Variants in ABCA2 observed in about 807,000 individuals in gnomAD.
ABCA2 encodes the protein ATP binding cassette subfamily A member 2.
In ABCA2, 84 loss-of-function variants were observed where a neutral mutation model predicts 262.8. That is an observed-to-expected ratio of 0.32 (90% CI 0.27 to 0.38). The LOEUF is 0.38. ABCA2 is among the 10% of genes least tolerant of loss of function. The pLI is 1.00. For synonymous variants in ABCA2, 1,696 were observed against 1,502.9 expected (o/e 1.13, Z -2.97); for missense variants, 2,662 against 3,405.9 (o/e 0.78, Z 5.44).
In ABCA2 at chr9:137,021,462, C is replaced by G; in HGVS notation, c.827G>C (p.Arg276Pro). 1 of 1,612,114 alleles carries G rather than the reference C, an allele frequency of 6.2e-7. No individual in the cohort carries two copies. The highest frequency in any genetic ancestry group is 8.5e-7 in the Non-Finnish European group (1 of 1,179,768). ...AGACAGCCCAGAGAAGCGCCTGGCA[C>G]GCGCAGCAGCCTGCCCACTGCAGAC... ...DAVCSGQAAA[R>P]ARRFSGLSAE... Residue 276 changes from arginine to proline, a missense_variant, in exon 8 of 49, where the codon CGT (arginine) becomes CCT (proline). By Grantham distance (103) the Arg-to-Pro change is moderately radical. Coordinates refer to ENST00000341511, the MANE Select transcript of ABCA2 (RefSeq NM_001606.5). This position sits in a 1 kb window ranked among gnomAD's most constrained non-coding sequence, Gnocchi z 6.0.
intron 1 of ABCA2, among the ~76,000 whole-genome samples, chr9:137,025,397 G>A (rs1415705909): frequency 1.3e-5 from 2 of 152,200 alleles, no homozygotes; most frequent in Non-Finnish European, 1.5e-5. Context: ...CCGAGGGCGA[G>A]CACCCAGCTC....
In ABCA2 at chr9:137,014,834, G is replaced by A. The variant is rs368223057; in HGVS notation, c.3883-24C>T. 33 of 1,591,926 alleles carry A rather than the reference G, an allele frequency of 2.1e-5. No individual in the cohort carries two copies. The East Asian group carries it at 3.6e-4, about 17-fold the overall frequency. Reference sequence around the variant, plus strand: ...TGCTGCAGGGGCGGTGGAGGGGGAGGCTGCGGCAGGGACGCCCAGGCAGGA... The same window carrying A: ...TGCTGCAGGGGCGGTGGAGGGGGAGACTGCGGCAGGGACGCCCAGGCAGGA... On this transcript the variant is annotated intron_variant, in intron 25 of 48. Transcript: ENST00000341511.
chr9:137,023,722 C>T (rs919965517), intron 3 of ABCA2, 116 bp downstream of exon 3: 5 of 706,304 alleles, frequency 7.1e-6, no homozygotes, highest in Admixed American at 6.1e-5. Flanking sequence ...CTGAGGCCGG[C>T]AGGGGGCCCG....
rs1354805821 is a variant in ABCA2 at position 137,015,677 on chromosome 9, G to C, written c.3512C>G (p.Pro1171Arg). 6.2e-7 allele frequency: 1 copy of C among 1,609,052 alleles called. No individual in the cohort carries two copies. Among genetic ancestry groups the C allele is most frequent in the East Asian group, 2.2e-5 (1 of 44,704 alleles). ...TGCCCACACGGCACCCCACTCACCT[G>C]GCTTGTACTTCAGGATGAGGTCCCA... ...AIWDLILKYK[P>R]GRTILLSTHH... Residue 1171 changes from proline to arginine, a missense_variant and splice_region_variant, in exon 23 of 49, where the codon CCA becomes CGA. Around this residue, in one of 12 missense-constraint regions of ABCA2, gnomAD observed 180 missense variants for 307.3 expected, o/e 0.59. Transcript: ENST00000341511.
chr9:137,022,535 A>T, intron 5 of ABCA2, 57 bp from the exon 6 acceptor site: 3 of 1,590,268 alleles, frequency 1.9e-6, no homozygotes, highest in Non-Finnish European at 2.6e-6. Context: ...AGGTGCCCCC[A>T]CATGCGCTCG....
At position 137,014,712 on chromosome 9, in the gene ABCA2, C is replaced by T. The variant is rs1490579361; in HGVS notation, c.3981G>A (p.Gln1327=). Residue 1327 remains glutamine (Q), a synonymous_variant, in exon 26 of 49, where the codon CAG becomes CAA. Coordinates refer to ENST00000341511, the MANE Select transcript of ABCA2 (RefSeq NM_001606.5). ...CACCGGCCTCACTGTTCTCCAGCGACTGATCCTCCTCCGACACCTTGAGGA... is the reference window on the plus strand; with the variant it reads ...CACCGGCCTCACTGTTCTCCAGCGATTGATCCTCCTCCGACACCTTGAGGA... ...EVFLKVSEED[Q]SLENSEADVK... 2 of 1,606,542 alleles carry T rather than the reference C, an allele frequency of 1.2e-6. No homozygotes were observed. Among genetic ancestry groups the T allele is most frequent in the African/African-American group, 1.3e-5 (1 of 75,034 alleles).
chr9:137,008,466 C>T lies in ABCA2; in HGVS notation c.7225G>A (p.Glu2409Lys), dbSNP rs1216889192. 6 of 1,562,134 alleles carry T rather than the reference C, an allele frequency of 3.8e-6. No individual in the cohort carries two copies. The highest frequency in any genetic ancestry group is 2.4e-5 in the East Asian group (1 of 41,932). Residue 2409 changes from glutamate (E) to lysine (K), a missense_variant, in exon 48 of 49, where the codon GAG (glutamate) becomes AAG (lysine). Around this residue, in one of 12 missense-constraint regions of ABCA2, gnomAD observed 212 missense variants for 214.4 expected, o/e 0.99. Coordinates refer to ENST00000341511, the MANE Select transcript of ABCA2 (RefSeq NM_001606.5). The part of the protein sequence containing the change: ...ELRALVADEP[E>K]DLDTEDEGLI... ...CCCTCGTCCTCCGTGTCCAGGTCCTCGGGCTCGTCTGCCACAAGTGCCCGG... is the reference window on the plus strand; with the variant it reads ...CCCTCGTCCTCCGTGTCCAGGTCCTTGGGCTCGTCTGCCACAAGTGCCCGG...
intron 21 of ABCA2, 55 bp downstream of exon 21, chr9:137,016,236 T>A (rs1017750573): frequency 1.9e-6 from 3 of 1,611,342 alleles, no homozygotes; most frequent in Middle Eastern, 1.7e-4. Flanking sequence ...CTGCCCTGAC[T>A]AGGACTCCTG....
Position 137,021,164 on chromosome 9 carries a change from AGGGGTGCT to A in ABCA2, c.898-111_898-104del. On this transcript the variant is annotated intron_variant, in intron 8 of 48. Coordinates refer to ENST00000341511, the MANE Select transcript of ABCA2 (RefSeq NM_001606.5). This position sits in a 1 kb window ranked among gnomAD's most constrained non-coding sequence, Gnocchi z 6.0. ...AGACAGCAGCAGGGAGACACAAGCT[AGGGGTGCT>A]GGGAGGGAGTCTGCAGCCTGGGTAA... The A allele has an allele frequency of 7.0e-7, 1 of 1,421,124 alleles. No homozygotes were observed. Among genetic ancestry groups the A allele is most frequent in the Non-Finnish European group, 9.2e-7 (1 of 1,085,268 alleles). 88.0% of individuals were successfully genotyped at this position (1,421,124 alleles called of 1,614,324 possible). A position where few individuals can be genotyped will look rare whatever the true frequency, so the allele number is the denominator to read the frequency against.
At chr9:137,017,741 C>T in intron 16 of ABCA2, 46 bp downstream of exon 16, 1 of 1,609,222 alleles carries the variant, frequency 6.2e-7, no homozygotes, top group Non-Finnish European at 8.5e-7. Flanking sequence ...GGACGCCGCC[C>T]CTCCCTGCCA....
chr9:137,014,785 A>G lies in ABCA2; in HGVS notation c.3908T>C (p.Leu1303Pro). Reference sequence around the variant, plus strand: ...CATCAGCCCGAAGCTGCTGAGGTGCAGTGCATCCAGGCTGCGCTCCAGGTG... The same window carrying G: ...CATCAGCCCGAAGCTGCTGAGGTGCGGTGCATCCAGGCTGCGCTCCAGGTG... The part of the protein sequence containing the change: ...FQHLERSLDA[L>P]HLSSFGLMDT... Residue 1303 changes from leucine (L) to proline (P), a missense_variant, in exon 26 of 49, where the codon CTG becomes CCG. Around this residue, in one of 12 missense-constraint regions of ABCA2, gnomAD observed 297 missense variants for 286.5 expected, o/e 1.04. Coordinates refer to ENST00000341511, the MANE Select transcript of ABCA2 (RefSeq NM_001606.5). The G allele has an allele frequency of 6.2e-7, 1 of 1,601,270 alleles. No homozygotes were observed.
Position 137,008,666 on chromosome 9 carries a change from T to C in ABCA2, c.7069-44A>G, listed in dbSNP as rs369393757. ...GTGTGGGGAGGGGGCTGGTCTGGGG[T>C]GAGGAGGGGCAGGGCGGGTGAGGGG... On this transcript the variant is annotated intron_variant, in intron 47 of 48. Transcript: ENST00000341511. The C allele has an allele frequency of 6.2e-5, 74 of 1,195,498 alleles. No individual in the cohort carries two copies. In the African/African-American group the frequency reaches 1.7e-3, roughly 28 times the overall value. The allele number at this position is 1,195,498 out of a possible 1,614,324, so 74.1% of individuals were successfully genotyped here.
intron 13 of ABCA2, 66 bp from the exon 14 acceptor site, chr9:137,018,417 A>G: frequency 5.0e-6 from 1 of 199,660 alleles, no homozygotes; most frequent in Non-Finnish European, 8.3e-6. Flanking sequence ...TGGGGGGGAA[A>G]GCAAGGCACG....
At chr9:137,022,661 GC>G in intron 5 of ABCA2, 40 bp downstream of exon 5, 1 of 1,586,280 alleles carries the variant, frequency 6.3e-7, no homozygotes, top group Non-Finnish European at 8.6e-7. Context: ...GCAGAGCTTT[GC>G]CCGCAGCCCT....
At chr9:137,026,068 C>T (rs765719264) in intron 1 of ABCA2, among the ~76,000 whole-genome samples, 5 of 152,298 alleles carry the variant, frequency 3.3e-5, no homozygotes, top group Non-Finnish European at 4.4e-5. Flanking sequence ...AGGTGAGACC[C>T]GAGGGTGGCG....
rs1054950284 is a variant in ABCA2, at chr9:137,008,360, G to C, written c.7275+56C>G. On this transcript the variant is annotated intron_variant, in intron 48 of 48. Transcript: ENST00000341511. The stretch of plus-strand genomic sequence containing the variant: ...ACCCCACCCGCGGCTGGAGCCACCA[G>C]GCAGCCTGGGTCCAGTGGGCAGAGC... 53 of 1,541,690 alleles carry C rather than the reference G, an allele frequency of 3.4e-5. No homozygotes were observed. In the African/African-American group the frequency reaches 4.0e-4, roughly 12 times the overall value.
At position 137,019,424 on chromosome 9, in the gene ABCA2, C is replaced by CA; in HGVS notation, c.1426-119_1426-118insT. ...ATTGCCAACAACTAACCCTCCCCAC[C>CA]TTTTTTTTTTTTTTTTTCCTGAGAC... On this transcript the variant is annotated intron_variant, in intron 10 of 48. Coordinates refer to ENST00000341511, the MANE Select transcript of ABCA2 (RefSeq NM_001606.5). The surrounding 1 kb of genome is among the most constrained non-coding windows in gnomAD (Gnocchi z 4.4). The CA allele has an allele frequency of 8.2e-5, 74 of 906,280 alleles. No individual in the cohort carries two copies. Among genetic ancestry groups the CA allele is most frequent in the Non-Finnish European group, 1.1e-4 (68 of 638,464 alleles). 56.1% of individuals were successfully genotyped at this position (906,280 alleles called of 1,614,324 possible).
intron 39 of ABCA2, 108 bp from the exon 40 acceptor site, chr9:137,010,845 C>T: frequency 7.0e-7 from 1 of 1,420,010 alleles, no homozygotes; most frequent in Non-Finnish European, 9.7e-7. Flanking sequence ...GTGGGCAGGC[C>T]CCTCTGCTGT....
Position 137,021,401 on chromosome 9 carries a change from G to A in ABCA2, c.888C>T (p.Val296=). ...ELRNQLDVAK[V]SQQLGLDAPN... ...GCAGGCAGGGCCTCACCTGCTGGGA[G>A]ACCTTGGCCACGTCCAGCTGGTTCC... Residue 296 remains valine, a synonymous_variant, in exon 8 of 49, where the codon GTC becomes GTT. Transcript: ENST00000341511. This position sits in a 1 kb window ranked among gnomAD's most constrained non-coding sequence, Gnocchi z 6.0. The A allele has an allele frequency of 6.2e-7, 1 of 1,607,552 alleles. No individual in the cohort carries two copies. The highest frequency in any genetic ancestry group is 8.5e-7 in the Non-Finnish European group (1 of 1,179,742).
Sources: allele counts gnomAD v4.1 joint callset (sites outside exome capture counted in the v4.1 genomes callset), GRCh38; gene constraint gnomAD v4.1.1; regional missense constraint gnomAD v4.1.1; non-coding constraint Gnocchi (gnomAD v3.1); transcripts MANE v1.5; gene names NCBI Gene and HGNC (gene_info 2026-07-23, HGNC 2026-07-21).